The following ZFAT variants were observed in gnomAD, a reference collection of about 807,000 sequenced individuals.
The protein encoded by ZFAT is zinc finger and AT-hook domain containing.
A neutral mutation model predicts 117.7 loss-of-function variants in ZFAT; 64 were observed. That is an observed-to-expected ratio of 0.54 (90% CI 0.44 to 0.67). The LOEUF is 0.67. ZFAT is among the 30% of genes least tolerant of loss of function. ZFAT has a pLI of 0.00. For missense variants in ZFAT, 1,433 were observed against 1,584.5 expected (o/e 0.90, Z 1.62); for synonymous variants, 679 against 615.0 (o/e 1.10, Z -1.54).
chr8:134,805,460 C>T, the ZFAT span, among the ~76,000 whole-genome samples: 3 of 152,250 alleles, frequency 2.0e-5, no homozygotes, highest in East Asian at 3.9e-4. Context: ...ACACTTTCTT[C>T]CCCTGTCTCC....
At chr8:134,566,593 A>C (rs1824486526) in intron 10 of ZFAT, among the ~76,000 whole-genome samples, 1 of 152,186 alleles carries the variant, frequency 6.6e-6, no homozygotes, top group South Asian at 2.1e-4. Flanking sequence ...AAAGAATTCA[A>C]CAAGTAGCTT....
At position 134,558,203 on chromosome 8, in the gene ZFAT, A is replaced by T. The variant is rs11994650; in HGVS notation, c.2976+7130T>A. ...GAGGCCAGAGTTTCTCCTTGTAAGA[A>T]GAAAGCCCCCTAACTCTCTTCATGA... On this transcript the variant is annotated intron_variant, in intron 11 of 15. Coordinates refer to ENST00000377838, the MANE Select transcript of ZFAT (RefSeq NM_020863.4). 7.5e-3 allele frequency among the ~76,000 whole-genome samples: 1,147 copies of T among 152,348 alleles called. 26 individuals carry two copies. Among genetic ancestry groups the T allele is most frequent in the African/African-American group, 0.026 (1,093 of 41,576 alleles).
the ZFAT span, among the ~76,000 whole-genome samples, chr8:134,804,410 C>T: frequency 3.8e-3 from 580 of 152,116 alleles, 2 homozygotes; most frequent in African/African-American, 6.6e-3. Context: ...GCTAAGAGGA[C>T]GGAGAAAAAT....
chr8:134,613,112 T>C (rs1005606113), intron 3 of ZFAT, among the ~76,000 whole-genome samples: 3 of 152,190 alleles, frequency 2.0e-5, no homozygotes, highest in African/African-American at 7.2e-5. Flanking sequence ...TACAGAATTT[T>C]TTGCTTTTAA....
At chr8:134,494,204 G>A (rs1224810621) in intron 15 of ZFAT, among the ~76,000 whole-genome samples, 3 of 152,174 alleles carry the variant, frequency 2.0e-5, no homozygotes, top group South Asian at 2.1e-4. Flanking sequence ...GGCTGTTGGG[G>A]TTGGGCAAAC....
At chr8:134,633,911 T>G (rs951803162) in intron 3 of ZFAT, among the ~76,000 whole-genome samples, 2 of 152,160 alleles carry the variant, frequency 1.3e-5, no homozygotes, top group African/African-American at 4.8e-5. Context: ...CCGGGCGTGG[T>G]GGCAGATGCC....
chr8:134,771,051 C>T, the ZFAT span, among the ~76,000 whole-genome samples: 8 of 152,208 alleles, frequency 5.3e-5, no homozygotes, highest in Non-Finnish European at 8.8e-5. Flanking sequence ...TCTCGCCCTC[C>T]CTCCACTTGC....
At chr8:134,827,628 C>T in the ZFAT span, among the ~76,000 whole-genome samples, 6 of 151,658 alleles carry the variant, frequency 4.0e-5, no homozygotes, top group South Asian at 2.1e-4. Flanking sequence ...ATTAGACAGG[C>T]GTGGTGGTGG....
Position 134,712,845 on chromosome 8 carries a change from C to A in ZFAT, c.19G>T (p.Glu7Ter). Residue 7 changes from glutamate (E) to a stop codon, truncating the protein, a stop_gained and splice_region_variant, in exon 1 of 16, where the codon GAA becomes TAA. Coordinates refer to ENST00000377838, the MANE Select transcript of ZFAT (RefSeq NM_020863.4). LOFTEE classifies it high-confidence loss of function. METRAA[E>*]NTAIFMCKCC... is the part of the protein sequence containing the mutation. ...CACCCCAACCCCCAGCCCGGCTCAC[C>A]TGCCGCCCGCGTCTCCATGGCAACG... The A allele has an allele frequency of 6.6e-7, 1 of 1,504,074 alleles. No homozygotes were observed. The highest frequency in any genetic ancestry group is 1.2e-5 in the South Asian group (1 of 80,042). 93.2% of individuals were successfully genotyped at this position (1,504,074 alleles called of 1,614,324 possible). A position where few individuals can be genotyped will look rare whatever the true frequency, so the allele number is the denominator to read the frequency against.
At chr8:134,697,596 G>A (rs1384559928) in intron 1 of ZFAT, among the ~76,000 whole-genome samples, 7 of 151,064 alleles carry the variant, frequency 4.6e-5, no homozygotes, top group African/African-American at 1.7e-4. Context: ...GCGTGGTAGC[G>A]GGCGCCTGTA....
chr8:134,777,452 T>C, the ZFAT span, among the ~76,000 whole-genome samples: 1 of 152,074 alleles, frequency 6.6e-6, no homozygotes. Context: ...AAGTCACACG[T>C]ACCTTGGCCA....
rs374647961 is a variant in ZFAT, at chr8:134,600,595, G to A, written c.2316C>T (p.Cys772=). 3.4e-5 allele frequency: 55 copies of A among 1,613,912 alleles called. No individual in the cohort carries two copies. In the African/African-American group the frequency reaches 6.5e-4, roughly 19 times the overall value. The change falls in exon 7 of 16, where the codon TGC becomes TGT. Residue 772 remains cysteine (C), a synonymous_variant. Coordinates refer to ENST00000377838, the MANE Select transcript of ZFAT (RefSeq NM_020863.4). The stretch of plus-strand genomic sequence containing the variant: ...TGATGGAAGAATAATGACACTGAGA[G>A]CAATAATACAGATGTTCCCGGGTGT... ...RTHTREHLYY[C]SQCHYSSITK...
chr8:134,534,732 A>C (rs1821697323), intron 11 of ZFAT, among the ~76,000 whole-genome samples: 1 of 140,728 alleles, frequency 7.1e-6, no homozygotes, highest in East Asian at 2.1e-4. Flanking sequence ...AGGGAGAGAG[A>C]GAAAGAGAGG....
the ZFAT span, among the ~76,000 whole-genome samples, chr8:134,728,353 A>G: frequency 1.3e-5 from 2 of 152,114 alleles, no homozygotes; most frequent in Middle Eastern, 3.2e-3. Flanking sequence ...GCAAGCAGAT[A>G]TAGAAACAGG....
chr8:134,774,380 C>T, the ZFAT span, among the ~76,000 whole-genome samples: 3 of 152,112 alleles, frequency 2.0e-5, no homozygotes, highest in South Asian at 2.1e-4. Context: ...TTTGTGAAAG[C>T]ATCAATTAAT....
At chr8:134,825,053 T>C in the ZFAT span, among the ~76,000 whole-genome samples, 1 of 152,238 alleles carries the variant, frequency 6.6e-6, no homozygotes, top group African/African-American at 2.4e-5. Context: ...TCTTCCACCT[T>C]ATAAAATTTG....
At chr8:134,560,780 TA>T (rs2130749446) in intron 11 of ZFAT, among the ~76,000 whole-genome samples, 1 of 152,262 alleles carries the variant, frequency 6.6e-6, no homozygotes, top group Admixed American at 6.5e-5. Flanking sequence ...GTTGAATAGC[TA>T]GATGGAAGGG....
the ZFAT span, among the ~76,000 whole-genome samples, chr8:134,799,798 T>C: frequency 5.9e-5 from 9 of 152,320 alleles, no homozygotes; most frequent in Admixed American, 5.9e-4. Flanking sequence ...GCATCATCTT[T>C]ATTGCAAAAA....
At chr8:134,579,479 A>AAG (rs1293660814) in intron 10 of ZFAT, among the ~76,000 whole-genome samples, 2 of 152,154 alleles carry the variant, frequency 1.3e-5, no homozygotes, top group East Asian at 3.9e-4. Context: ...CTAGCACGAG[A>AAG]ACAGTATGGG....
Sources: allele counts gnomAD v4.1 joint callset (sites outside exome capture counted in the v4.1 genomes callset), GRCh38; gene constraint gnomAD v4.1.1; transcripts MANE v1.5; gene names NCBI Gene and HGNC (gene_info 2026-07-23, HGNC 2026-07-21).